Variants in TRIO observed in about 807,000 individuals in gnomAD.
The protein encoded by TRIO is triple functional domain protein.
Under a neutral mutation model 351.9 loss-of-function variants are expected in TRIO, and 58 were observed. The ratio of observed to expected loss-of-function variants is 0.16; its 90% CI spans 0.13 to 0.21. The LOEUF is 0.21. Among genes scored for constraint, TRIO ranks in the 10% least tolerant of loss-of-function variants. The pLI, the probability that TRIO is intolerant of heterozygous loss-of-function variation, is 1.00. For missense variants in TRIO, 3,201 were observed against 4,027.8 expected, an observed-to-expected ratio of 0.79 and a Z score of 5.56; for synonymous variants, 1,758 against 1,595.7, an observed-to-expected ratio of 1.10 and a Z score of -2.42.
Position 14,488,224 on chromosome 5 carries a change from C to T in TRIO, c.7596C>T (p.Ala2532=), listed in dbSNP as rs1483040685. The change falls in exon 48 of 57, where the codon GCC becomes GCT. Residue 2532 remains alanine, a synonymous_variant. Transcript: ENST00000344204. ...DTDRMSTCSS[A]SEQSVQSTQS... ...ACCGCATGAGCACGTGCTCCTCGGC[C>T]AGCGAGCAGTCCGTGCAGTCCACCC... 3 of 1,588,750 alleles carry T rather than the reference C, an allele frequency of 1.9e-6. No individual in the cohort carries two copies. The highest frequency in any genetic ancestry group is 2.6e-6 in the Non-Finnish European group (3 of 1,174,898).
intron 49 of TRIO, among the ~76,000 whole-genome samples, chr5:14,496,427 A>G (rs1756899139): frequency 6.6e-6 from 1 of 152,216 alleles, no homozygotes. Flanking sequence ...ACAGTCTGCT[A>G]GAGAACGCCC....
intron 1 of TRIO, among the ~76,000 whole-genome samples, chr5:14,180,946 A>G (rs1438753718): frequency 6.6e-6 from 1 of 152,174 alleles, no homozygotes; most frequent in East Asian, 1.9e-4. Context: ...AAAATATTTA[A>G]TTTTGTCTAG....
At chr5:14,464,316 G>A (rs1276448267) in intron 36 of TRIO, among the ~76,000 whole-genome samples, 1 of 152,178 alleles carries the variant, frequency 6.6e-6, no homozygotes, top group African/African-American at 2.4e-5. Context: ...CATAAGGGAG[G>A]ATTTTTCTCC....
At position 14,374,285 on chromosome 5, in the gene TRIO, C is replaced by T; in HGVS notation, c.3273C>T (p.Asn1091=). The T allele has an allele frequency of 6.2e-7, 1 of 1,613,766 alleles. No homozygotes were observed. The highest frequency in any genetic ancestry group is 2.2e-5 in the East Asian group (1 of 44,864). Residue 1091 remains asparagine (N), a synonymous_variant, in exon 19 of 57, where the codon AAC becomes AAT. Transcript: ENST00000344204. The part of the protein sequence containing the change: ...ADVFLKYLHR[N]SVNMPGMVTH... The stretch of plus-strand genomic sequence containing the variant: ...TCTTCCTGAAATACCTGCACAGGAA[C>T]AGCGTGAACATGCCAGGAATGGTGA...
At chr5:14,500,902 A>AC (rs1209460288) in intron 53 of TRIO, among the ~76,000 whole-genome samples, 1 of 151,066 alleles carries the variant, frequency 6.6e-6, no homozygotes, top group Non-Finnish European at 1.5e-5. Flanking sequence ...AAAAAAAAAA[A>AC]AAAAAAAAAA....
intron 1 of TRIO, among the ~76,000 whole-genome samples, chr5:14,171,718 A>C (rs1161764112): frequency 6.6e-6 from 1 of 152,174 alleles, no homozygotes; most frequent in Non-Finnish European, 1.5e-5. Context: ...GGTATTATTC[A>C]GTCTTAAGCT....
At chr5:14,443,943 G>A (rs922935496) in intron 34 of TRIO, among the ~76,000 whole-genome samples, 2 of 152,154 alleles carry the variant, frequency 1.3e-5, no homozygotes, top group Non-Finnish European at 2.9e-5. Flanking sequence ...TAGGACAGAT[G>A]GAATCTATTC....
intron 21 of TRIO, among the ~76,000 whole-genome samples, chr5:14,385,497 C>T (rs1579498274): frequency 6.6e-6 from 1 of 152,196 alleles, no homozygotes; most frequent in African/African-American, 2.4e-5. Context: ...AATGCTAATA[C>T]AGAGCAGTGT....
rs1756088628 is a variant in TRIO at position 14,487,901 on chromosome 5, GCCTCGGGGTCGAGCCCA to G, written c.7274_7290del (p.Ala2425GlyfsTer10). The stretch of plus-strand genomic sequence containing the variant: ...GAGCCCCAGGAAAGGCGCCGCGAAC[GCCTCGGGGTCGAGCCCA>G]GACGCCCCCGCCAAGGACGCGCGCG... On this transcript the variant is annotated frameshift_variant, in exon 48 of 57. Transcript: ENST00000344204. LOFTEE classifies it high-confidence loss of function. 1.3e-6 allele frequency: 2 copies of G among 1,534,912 alleles called. No individual in the cohort carries two copies. Among genetic ancestry groups the G allele is most frequent in the Admixed American group, 4.2e-5 (2 of 47,316 alleles).
chr5:14,187,110 A>G (rs556763820), intron 1 of TRIO, among the ~76,000 whole-genome samples: 15 of 152,290 alleles, frequency 9.8e-5, no homozygotes, highest in South Asian at 6.2e-4. Flanking sequence ...ATGAACCAGA[A>G]CCTGATGCTA....
intron 1 of TRIO, among the ~76,000 whole-genome samples, chr5:14,250,619 A>G (rs1016328127): frequency 6.6e-6 from 1 of 152,068 alleles, no homozygotes; most frequent in Admixed American, 6.5e-5. Context: ...CTGCTTTCCC[A>G]TGAGTTCTGA....
intron 8 of TRIO, among the ~76,000 whole-genome samples, chr5:14,308,364 C>T (rs1391700404): frequency 8.0e-5 from 10 of 124,868 alleles, no homozygotes; most frequent in Non-Finnish European, 1.4e-4. Flanking sequence ...ACCCAACCAC[C>T]CATTCATCTG....
At chr5:14,495,944 G>T (rs940708788) in intron 49 of TRIO, among the ~76,000 whole-genome samples, 11 of 152,102 alleles carry the variant, frequency 7.2e-5, no homozygotes, top group African/African-American at 2.7e-4. Flanking sequence ...CTCCAGCCTG[G>T]GTGACTGAGC....
intron 48 of TRIO, chr5:14,490,891 A>G: frequency 2.2e-6 from 1 of 455,608 alleles, no homozygotes; most frequent in East Asian, 6.9e-5. Flanking sequence ...TTGCCATATA[A>G]GTCAGAATAC....
intron 1 of TRIO, among the ~76,000 whole-genome samples, chr5:14,254,817 A>G (rs139855907): frequency 0.011 from 1,609 of 152,302 alleles, 22 homozygotes; most frequent in African/African-American, 0.035. Flanking sequence ...AAAGTTTTGG[A>G]ACCCAGACCA....
At chr5:14,250,621 G>A (rs963903402) in intron 1 of TRIO, among the ~76,000 whole-genome samples, 1 of 152,192 alleles carries the variant, frequency 6.6e-6, no homozygotes, top group Non-Finnish European at 1.5e-5. Context: ...GCTTTCCCAT[G>A]AGTTCTGAGA....
intron 11 of TRIO, among the ~76,000 whole-genome samples, chr5:14,342,230 C>G (rs1361474325): frequency 6.6e-6 from 1 of 152,246 alleles, no homozygotes; most frequent in East Asian, 1.9e-4. Context: ...CTCCTCTGAC[C>G]CTCAGGTCCT....
chr5:14,479,073 G>A (rs1231740550), intron 41 of TRIO, among the ~76,000 whole-genome samples, 188 bp from the exon 42 acceptor site: 4 of 152,162 alleles, frequency 2.6e-5, no homozygotes, highest in African/African-American at 9.7e-5. Flanking sequence ...GGAAGGACTG[G>A]TTTTGGAGCC....
At chr5:14,334,312 G>A (rs541949950) in intron 10 of TRIO, among the ~76,000 whole-genome samples, 16 of 152,258 alleles carry the variant, frequency 1.1e-4, no homozygotes, top group Non-Finnish European at 1.9e-4. Context: ...TCAGAGGCAC[G>A]AGTGCTGACA....
Sources: gnomAD v4.1 joint callset for allele counts (sites outside exome capture counted in the v4.1 genomes callset) on GRCh38, gnomAD v4.1.1 for gene constraint, MANE v1.5 for transcripts, NCBI Gene and HGNC (gene_info 2026-07-23, HGNC 2026-07-21) for gene names.